The following HDAC9 variants were observed in gnomAD, a reference collection of about 807,000 sequenced individuals.
HDAC9 encodes MEF-2 interacting transcription repressor (MITR) protein.
Under a neutral mutation model 139.4 loss-of-function variants are expected in HDAC9, and 41 were observed. The ratio of observed to expected loss-of-function variants is 0.29; its 90% CI spans 0.23 to 0.38. HDAC9 has a LOEUF of 0.38. HDAC9 is among the 10% of genes least tolerant of loss of function. HDAC9 has a pLI of 1.00. For missense variants in HDAC9, 1,147 were observed against 1,297.0 expected, an observed-to-expected ratio of 0.88 and a Z score of 1.78; for synonymous variants, 517 against 476.2, an observed-to-expected ratio of 1.09 and a Z score of -1.12.
rs114397353 is a variant in HDAC9, at chr7:18,325,129, A to G, written c.-42+34614A>G. On this transcript the variant is annotated intron_variant, in intron 1 of 3. Coordinates refer to the HDAC9 transcript ENST00000413509. ...AATAAAAGGCACAAGAAGTACTAGA[A>G]GTTAATAAAAAAAGACCCAATAGTT... is the stretch of plus-strand genomic sequence containing the variant. Among the ~76,000 whole-genome samples, 429 of 152,264 alleles carry G rather than the reference A, an allele frequency of 2.8e-3. 2 individuals carry two copies. The highest frequency in any genetic ancestry group is 9.5e-3 in the African/African-American group (395 of 41,568).
At chr7:18,232,207 T>C (rs968338529) in intron 2 of HDAC9, among the ~76,000 whole-genome samples, 3 of 152,176 alleles carry the variant, frequency 2.0e-5, no homozygotes, top group Non-Finnish European at 4.4e-5. Context: ...CTTGGCTGCC[T>C]TCCCTCAATA....
chr7:18,373,498 AACTATTTTGT>A (rs1369509404), intron 1 of HDAC9, among the ~76,000 whole-genome samples: 1 of 152,192 alleles, frequency 6.6e-6, no homozygotes, highest in Non-Finnish European at 1.5e-5. Flanking sequence ...TGACAGTGAA[AACTATTTTGT>A]TGAGCTTTGT....
chr7:18,623,021 A>G (rs892834637), intron 6 of HDAC9, among the ~76,000 whole-genome samples: 4 of 151,764 alleles, frequency 2.6e-5, no homozygotes, highest in Non-Finnish European at 5.9e-5. Context: ...GCATGTGCCT[A>G]TGGTCCCAGC....
intron 12 of HDAC9, among the ~76,000 whole-genome samples, chr7:18,682,081 C>A (rs945797494): frequency 2.6e-5 from 4 of 151,970 alleles, no homozygotes; most frequent in Non-Finnish European, 4.4e-5. Flanking sequence ...AATTTAAATT[C>A]TCTTTACCAA....
At chr7:18,748,889 T>G (rs1030384864) in intron 13 of HDAC9, 116 bp from the exon 14 acceptor site, 10 of 986,066 alleles carry the variant, frequency 1.0e-5, no homozygotes, top group Non-Finnish European at 1.5e-5. Context: ...ATTTCCTCCT[T>G]TGTTAAATTT....
chr7:18,969,551 A>C (rs1428915138), intron 24 of HDAC9, among the ~76,000 whole-genome samples: 1 of 152,242 alleles, frequency 6.6e-6, no homozygotes, highest in Non-Finnish European at 1.5e-5. Flanking sequence ...AAGGGATCAC[A>C]AGGCAAATCA....
intron 1 of HDAC9, among the ~76,000 whole-genome samples, chr7:18,158,085 G>T (rs1422117386): frequency 6.6e-6 from 1 of 152,164 alleles, no homozygotes; most frequent in African/African-American, 2.4e-5. Flanking sequence ...AGATATATCA[G>T]ATTTAAATAG....
chr7:18,290,214 T>C, upstream of HDAC9: 3 of 279,956 alleles, frequency 1.1e-5, no homozygotes, highest in South Asian at 1.1e-4. Flanking sequence ...AATAAAATGT[T>C]CATTCATTAA....
intron 1 of HDAC9, among the ~76,000 whole-genome samples, chr7:18,450,378 T>C (rs1300209987): frequency 6.6e-6 from 1 of 152,196 alleles, no homozygotes; most frequent in Non-Finnish European, 1.5e-5. Flanking sequence ...ATAAGCACCA[T>C]GAATACTGAT....
chr7:18,540,652 A>G (rs1047767953), intron 2 of HDAC9, among the ~76,000 whole-genome samples: 9 of 152,254 alleles, frequency 5.9e-5, no homozygotes, highest in Admixed American at 2.6e-4. Flanking sequence ...TTATGATGAC[A>G]TAAGTTAAGA....
At chr7:18,174,625 A>G (rs1414637766) in intron 2 of HDAC9, among the ~76,000 whole-genome samples, 3 of 152,146 alleles carry the variant, frequency 2.0e-5, no homozygotes, top group African/African-American at 7.2e-5. Flanking sequence ...TGACCTACAG[A>G]TGGGATTTTG....
At chr7:18,733,627 T>C (rs1786604128) in intron 13 of HDAC9, among the ~76,000 whole-genome samples, 1 of 151,444 alleles carries the variant, frequency 6.6e-6, no homozygotes, top group Non-Finnish European at 1.5e-5. Flanking sequence ...ATGTAGAAAA[T>C]ATATTTATAA....
At chr7:18,330,241 A>T (rs954573102) in intron 1 of HDAC9, among the ~76,000 whole-genome samples, 9 of 151,626 alleles carry the variant, frequency 5.9e-5, no homozygotes, top group African/African-American at 2.2e-4. Flanking sequence ...AAGCTCTGTG[A>T]TAATAGTGAG....
At chr7:18,132,503 G>A (rs1785079946) in intron 1 of HDAC9, among the ~76,000 whole-genome samples, 1 of 151,976 alleles carries the variant, frequency 6.6e-6, no homozygotes, top group Non-Finnish European at 1.5e-5. Flanking sequence ...CCAACTTCTG[G>A]GCTCAAATGA....
chr7:18,359,720 T>G (rs1257059663), intron 1 of HDAC9, among the ~76,000 whole-genome samples: 1 of 152,130 alleles, frequency 6.6e-6, no homozygotes, highest in African/African-American at 2.4e-5. Context: ...GCAATTCTCC[T>G]GCCTCAGCCT....
chr7:18,727,494 G>T (rs1785643349), intron 12 of HDAC9, 86 bp from the exon 13 acceptor site: 1 of 1,111,012 alleles, frequency 9.0e-7, no homozygotes. Flanking sequence ...CTGACCTGAT[G>T]AACTTAATTT....
At chr7:18,749,245 A>G (rs977586450) in intron 14 of HDAC9, 107 bp downstream of exon 14, 3 of 1,140,708 alleles carry the variant, frequency 2.6e-6, no homozygotes, top group African/African-American at 3.1e-5. Flanking sequence ...TAGTGCAAAC[A>G]CCATGATTGA....
chr7:18,375,037 T>G (rs114128133), intron 1 of HDAC9, among the ~76,000 whole-genome samples: 353 of 152,368 alleles, frequency 2.3e-3, no homozygotes, highest in African/African-American at 7.9e-3. Flanking sequence ...TACTGGTTTA[T>G]GTATTTACTA....
At chr7:18,811,838 G>A (rs1794196172) in intron 17 of HDAC9, among the ~76,000 whole-genome samples, 1 of 151,198 alleles carries the variant, frequency 6.6e-6, no homozygotes. Flanking sequence ...GGAGGGGAGA[G>A]TAAAGGAAAG....
Sources: allele counts gnomAD v4.1 joint callset (sites outside exome capture counted in the v4.1 genomes callset), GRCh38; gene constraint gnomAD v4.1.1; transcripts MANE v1.5; gene names NCBI Gene and HGNC (gene_info 2026-07-23, HGNC 2026-07-21).